DGKH: variants seen among roughly 807,000 people sequenced by gnomAD.
DGKH encodes the protein DAG kinase eta.
DGKH carries 90 observed loss-of-function variants against 159.3 expected under a neutral mutation model. The ratio of observed to expected loss-of-function variants is 0.57; its 90% CI spans 0.48 to 0.67. DGKH has a LOEUF of 0.67. DGKH is among the 30% of genes least tolerant of loss of function. DGKH has a pLI of 0.00. For synonymous variants in DGKH, 536 were observed against 553.8 expected (o/e 0.97, Z 0.45); for missense variants, 1,181 against 1,506.1 (o/e 0.78, Z 3.57).
chr13:42,098,041 A>G (rs1456351952), intron 1 of DGKH, among the ~76,000 whole-genome samples: 1 of 151,892 alleles, frequency 6.6e-6, no homozygotes, highest in Non-Finnish European at 1.5e-5. Flanking sequence ...CTTCTCTCCC[A>G]TTTTGTTTTC....
At chr13:42,217,719 T>G (rs537185492) in intron 26 of DGKH, among the ~76,000 whole-genome samples, 1 of 152,322 alleles carries the variant, frequency 6.6e-6, no homozygotes, top group African/African-American at 2.4e-5. Context: ...AATATATTGA[T>G]TAGCTAGAAG....
chr13:42,166,907 A>G (rs907253275), intron 9 of DGKH, among the ~76,000 whole-genome samples: 1 of 152,212 alleles, frequency 6.6e-6, no homozygotes, highest in Non-Finnish European at 1.5e-5. Flanking sequence ...TATATTCTAC[A>G]TCAAACAATA....
rs115968919 is a variant in DGKH, at chr13:42,162,198, A to G, written c.855+2062A>G. Among the ~76,000 whole-genome samples, 579 of 152,288 alleles carry G rather than the reference A, an allele frequency of 3.8e-3. 1 individual carries two copies. The highest frequency in any genetic ancestry group is 0.013 in the African/African-American group (532 of 41,560). ...TATACACAACCATTTGCCTGTTTAC[A>G]TATTATTTTGCCTTTAAAACATGAG... On this transcript the variant is annotated intron_variant, in intron 7 of 29. Coordinates refer to ENST00000337343, the MANE Select transcript of DGKH (RefSeq NM_178009.5).
chr13:42,205,401 G>A (rs1046226669), intron 20 of DGKH, among the ~76,000 whole-genome samples: 1 of 152,140 alleles, frequency 6.6e-6, no homozygotes, highest in Admixed American at 6.6e-5. Context: ...TAACAGTTCT[G>A]CTTCTACTCA....
rs1038050948 is a variant in DGKH, at chr13:42,235,713, C to A, written c.*6525C>A. 1 of 151,914 alleles carries A rather than the reference C, an allele frequency of 6.6e-6. No homozygotes were observed. The highest frequency in any genetic ancestry group is 1.5e-5 in the Non-Finnish European group (1 of 67,952). The allele number at this position is 151,914 out of a possible 1,614,324, so 9.4% of individuals were successfully genotyped here. On this transcript the variant is annotated 3_prime_UTR_variant, in exon 30 of 30. Transcript: ENST00000337343. ...GAAAGGTTTTGGTATTGTAACATTC[C>A]CAGTTTTGTGAGTTATATATTGTAT...
At chr13:42,181,673 A>C in intron 13 of DGKH, 1 of 401,130 alleles carries the variant, frequency 2.5e-6, no homozygotes, top group Non-Finnish European at 5.1e-6. Flanking sequence ...TGTTTAAGCC[A>C]CCCCATTCCC....
chr13:42,115,510 G>C lies in DGKH; in HGVS notation c.193-11953G>C, dbSNP rs2137811955. Among the ~76,000 whole-genome samples the C allele has an allele frequency of 2.6e-5, 4 of 152,268 alleles. No homozygotes were observed. In the South Asian group the frequency reaches 8.3e-4, roughly 32 times the overall value. On this transcript the variant is annotated intron_variant, in intron 1 of 29. Coordinates refer to ENST00000337343, the MANE Select transcript of DGKH (RefSeq NM_178009.5). ...TATACCAAGGATGTGATAGTGGCCA[G>C]AGCTTTGAAGGAGGATGGGATGGGG... is the stretch of plus-strand genomic sequence containing the variant.
intron 23 of DGKH, 31 bp from the exon 24 acceptor site, chr13:42,210,571 A>G (rs747423388): frequency 1.5e-5 from 24 of 1,599,466 alleles, no homozygotes; most frequent in Non-Finnish European, 2.0e-5. Flanking sequence ...GTTCTAAACT[A>G]ACAATTCGTT....
At chr13:42,139,988 C>A (rs146827506) in intron 3 of DGKH, among the ~76,000 whole-genome samples, 2 of 152,136 alleles carry the variant, frequency 1.3e-5, no homozygotes, top group Non-Finnish European at 2.9e-5. Context: ...AAGGAGGGGA[C>A]GGAATTACAA....
At chr13:42,096,832 A>G (rs1338653931) in intron 1 of DGKH, among the ~76,000 whole-genome samples, 1 of 152,224 alleles carries the variant, frequency 6.6e-6, no homozygotes, top group Non-Finnish European at 1.5e-5. Flanking sequence ...AAGATTATTC[A>G]GGGACCAATG....
In DGKH at chr13:42,241,576, GGA is replaced by G. The variant is rs1167390034; in HGVS notation, c.*12389_*12390del. ...GAACTCACATTTAAAGTTTATTTTG[GGA>G]AGGCATATATGCCTTTTGATGACAC... On this transcript the variant is annotated 3_prime_UTR_variant, in exon 30 of 30. Coordinates refer to ENST00000337343, the MANE Select transcript of DGKH (RefSeq NM_178009.5). 6 of 152,214 alleles carry G rather than the reference GGA, an allele frequency of 3.9e-5. No homozygotes were observed. Among genetic ancestry groups the G allele is most frequent in the African/African-American group, 1.4e-4 (6 of 41,536 alleles). 9.4% of individuals were successfully genotyped at this position (152,214 alleles called of 1,614,324 possible). A position where few individuals can be genotyped will look rare whatever the true frequency, so the allele number is the denominator to read the frequency against.
In DGKH at chr13:42,198,790, C is replaced by T. The variant is rs560469003; in HGVS notation, c.2285+195C>T. On this transcript the variant is annotated intron_variant, in intron 18 of 29. Coordinates refer to ENST00000337343, the MANE Select transcript of DGKH (RefSeq NM_178009.5). Reference sequence around the variant, plus strand: ...AATTCAGTGGTCTCCGTGATCTGTCCCTGAGATAGGTCCTTTTCCAGCCCG... The same window carrying T: ...AATTCAGTGGTCTCCGTGATCTGTCTCTGAGATAGGTCCTTTTCCAGCCCG... 7.9e-5 allele frequency among the ~76,000 whole-genome samples: 12 copies of T among 152,136 alleles called. No individual in the cohort carries two copies. The East Asian group carries it at 1.2e-3, about 15-fold the overall frequency.
chr13:42,055,108 G>A (rs185977177), intron 1 of DGKH, among the ~76,000 whole-genome samples: 17 of 152,134 alleles, frequency 1.1e-4, no homozygotes, highest in East Asian at 3.9e-4. Flanking sequence ...AAAATCAGGC[G>A]GCCGGCAGGA....
In DGKH at chr13:42,048,896, C is replaced by A; in HGVS notation, c.123C>A (p.Ser41Arg). The A allele has an allele frequency of 1.5e-6, 2 of 1,371,618 alleles. No homozygotes were observed. Among genetic ancestry groups the A allele is most frequent in the Admixed American group, 3.1e-5 (1 of 32,476 alleles). 85.0% of individuals were successfully genotyped at this position (1,371,618 alleles called of 1,614,324 possible). ...SAGPGEDSSD[S>R]EAEQEGPQKL... is the part of the protein sequence containing the mutation. The stretch of plus-strand genomic sequence containing the variant: ...GGCCGGGAGAGGATTCGTCTGACAG[C>A]GAAGCGGAGCAAGAGGGACCCCAGA... Residue 41 changes from serine to arginine, a missense_variant, in exon 1 of 30, where the codon AGC becomes AGA. Physicochemically the swap from Ser to Arg is moderately radical, Grantham distance 110 (BLOSUM62 -1). Coordinates refer to ENST00000337343, the MANE Select transcript of DGKH (RefSeq NM_178009.5). The surrounding 1 kb of genome is among the most constrained non-coding windows in gnomAD (Gnocchi z 6.7).
chr13:42,129,791 C>G (rs1018959299), intron 3 of DGKH, among the ~76,000 whole-genome samples, 159 bp downstream of exon 3: 6 of 152,108 alleles, frequency 3.9e-5, no homozygotes, highest in African/African-American at 9.7e-5. Flanking sequence ...TATTCTAACA[C>G]CCAGTACCAG....
At chr13:42,114,317 C>T (rs1443074823) in intron 1 of DGKH, among the ~76,000 whole-genome samples, 2 of 152,208 alleles carry the variant, frequency 1.3e-5, no homozygotes, top group Non-Finnish European at 2.9e-5. Flanking sequence ...CAAGGGTCTG[C>T]CTGAAGAGCT....
chr13:42,194,362 A>T (rs775378614), intron 16 of DGKH, among the ~76,000 whole-genome samples: 18 of 152,086 alleles, frequency 1.2e-4, no homozygotes, highest in Non-Finnish European at 1.9e-4. Context: ...TCAATTCCTG[A>T]CCTCAAGTGA....
At chr13:42,192,702 C>G (rs897605024) in intron 16 of DGKH, among the ~76,000 whole-genome samples, 1 of 151,902 alleles carries the variant, frequency 6.6e-6, no homozygotes, top group African/African-American at 2.4e-5. Context: ...ATACCAAAAA[C>G]AGCTTTGGTG....
chr13:42,058,544 G>C, intron 1 of DGKH, among the ~76,000 whole-genome samples: 1 of 152,238 alleles, frequency 6.6e-6, no homozygotes, highest in African/African-American at 2.4e-5. Context: ...GGAGAAGTTA[G>C]ATAGTGTTGG....
Sources: gnomAD v4.1 joint callset for allele counts (sites outside exome capture counted in the v4.1 genomes callset) on GRCh38, gnomAD v4.1.1 for gene constraint, Gnocchi (gnomAD v3.1) non-coding constraint, MANE v1.5 for transcripts, NCBI Gene and HGNC (gene_info 2026-07-23, HGNC 2026-07-21) for gene names.